Variants in PTCH1 observed in about 807,000 individuals in gnomAD.
The protein encoded by PTCH1 is patched 1.
A neutral mutation model predicts 144.6 loss-of-function variants in PTCH1; 14 were observed. The ratio of observed to expected loss-of-function variants is 0.10; its 90% confidence interval spans 0.06 to 0.15. The LOEUF is 0.15. Ranked by LOEUF, PTCH1 falls within the 10% of genes least tolerant of loss-of-function variation. The pLI, the probability that PTCH1 is intolerant of heterozygous loss-of-function variation, is 1.00. For synonymous variants in PTCH1, 833 were observed against 793.6 expected, an observed-to-expected ratio of 1.05 and a Z score of -0.83; for missense variants, 1,623 against 1,948.3, an observed-to-expected ratio of 0.83 and a Z score of 3.14.
At chr9:95,484,996 A>C (rs1232697998) in intron 3 of PTCH1, among the ~76,000 whole-genome samples, 1 of 152,174 alleles carries the variant, frequency 6.6e-6, no homozygotes, top group Non-Finnish European at 1.5e-5. Flanking sequence ...ACTTGAGGTC[A>C]GGAGTTCGAG....
rs144182921 is a variant in PTCH1, at chr9:95,506,477, T to C, written c.324A>G (p.Ile108Met). The C allele has an allele frequency of 1.6e-4, 261 of 1,613,260 alleles. 1 individual carries two copies. The highest frequency in any genetic ancestry group is 1.9e-4 in the Non-Finnish European group (222 of 1,179,708). ...CGKFLVVGLL[I>M]FGAFAVGLKA... ...TTAATCCCACCGCGAAGGCCCCAAA[T>C]ATGAGGAGGCCCACAACCAAGAACT... The change falls in exon 2 of 24, where the codon ATA becomes ATG. Residue 108 changes from isoleucine to methionine, a missense_variant. By Grantham distance (10) the Ile-to-Met change is conservative. Coordinates refer to ENST00000331920, the MANE Select transcript of PTCH1 (RefSeq NM_000264.5).
intron 2 of PTCH1, among the ~76,000 whole-genome samples, chr9:95,505,468 C>T (rs1212394437): frequency 6.6e-6 from 1 of 152,106 alleles, no homozygotes; most frequent in Non-Finnish European, 1.5e-5. Context: ...AAACCTTTGT[C>T]ACCAAAATAA....
chr9:95,470,873 T>C (rs371140664), intron 12 of PTCH1, among the ~76,000 whole-genome samples: 28 of 152,248 alleles, frequency 1.8e-4, no homozygotes, highest in African/African-American at 6.3e-4. Context: ...AGGGATCTCC[T>C]GATCAAGACT....
rs368528885 is a variant in PTCH1, at chr9:95,447,343, C to T, written c.3913G>A (p.Asp1305Asn). The T allele has an allele frequency of 5.6e-6, 9 of 1,613,468 alleles. No homozygotes were observed. The highest frequency in any genetic ancestry group is 3.3e-5 in the South Asian group (3 of 91,080). The change falls in exon 23 of 24, where the codon GAC becomes AAC. Residue 1305 changes from aspartate (D) to asparagine (N), a missense_variant. Coordinates refer to ENST00000331920, the MANE Select transcript of PTCH1 (RefSeq NM_000264.5). ...PGRQGQQPRR[D>N]PPREGLWPPP... ...GGCCACAAGCCTTCTCTGGGGGGGTCCCTGCGGGGCTGCTGGCCTTGCCGT... is the reference window on the plus strand; with the variant it reads ...GGCCACAAGCCTTCTCTGGGGGGGTTCCTGCGGGGCTGCTGGCCTTGCCGT...
At chr9:95,492,494 C>A (rs1367559418) in intron 2 of PTCH1, among the ~76,000 whole-genome samples, 1 of 152,156 alleles carries the variant, frequency 6.6e-6, no homozygotes, top group Non-Finnish European at 1.5e-5. Flanking sequence ...AACATTGTTT[C>A]AGGCACACAA....
At chr9:95,492,997 T>G (rs920814437) in intron 2 of PTCH1, among the ~76,000 whole-genome samples, 2 of 152,184 alleles carry the variant, frequency 1.3e-5, no homozygotes, top group Admixed American at 1.3e-4. Flanking sequence ...CTTAAGCCAA[T>G]TCTTTGAAAG....
chr9:95,499,443 A>T (rs1842997635), intron 2 of PTCH1, among the ~76,000 whole-genome samples: 1 of 149,590 alleles, frequency 6.7e-6, no homozygotes. Flanking sequence ...GCAGAGATCC[A>T]CTTGGAAGGA....
At chr9:95,483,977 A>G (rs890024439) in intron 3 of PTCH1, 11 of 152,216 alleles carry the variant, frequency 7.2e-5, no homozygotes, top group African/African-American at 2.4e-4. Flanking sequence ...AACTTGGACA[A>G]ATGCTCTAAT....
At chr9:95,447,486 T>C (rs1043542223) in intron 22 of PTCH1, 35 bp from the exon 23 acceptor site, 1 of 1,514,918 alleles carries the variant, frequency 6.6e-7, no homozygotes. Flanking sequence ...AAGGGTGGTA[T>C]CCCAGGCTGG....
In PTCH1 at chr9:95,468,859, C is replaced by A. The variant is rs2118034064; in HGVS notation, c.2142G>T (p.Gln714His). The change falls in exon 14 of 24, where the codon CAG becomes CAT. Residue 714 changes from glutamine (Q) to histidine (H), a missense_variant. Transcript: ENST00000331920. ...GGCAGTGGAGGCTGGAGTCGGAGAA[C>A]TGGGAGAGCAGGTCCCTTGTGGAGC... Reference protein sequence around the residue: ...STSSTRDLLSQFSDSSLHCLE... With the variant: ...STSSTRDLLSHFSDSSLHCLE... 1.2e-6 allele frequency: 2 copies of A among 1,614,120 alleles called. No homozygotes were observed. Among genetic ancestry groups the A allele is most frequent in the East Asian group, 4.5e-5 (2 of 44,874 alleles).
rs1228732568 is a variant in PTCH1 at position 95,467,247 on chromosome 9, G to A, written c.2429C>T (p.Ala810Val). Residue 810 changes from alanine to valine, a missense_variant, in exon 15 of 24, where the codon GCA becomes GTA. Transcript: ENST00000331920. ...TAAGTGCTGGATATTCGGGTAGTCT[G>A]CTTTCTGGGTGACTATATACATGTT... ...FYNMYIVTQK[A>V]DYPNIQHLLY... The A allele has an allele frequency of 3.1e-6, 5 of 1,614,048 alleles. No individual in the cohort carries two copies. In the Admixed American group the frequency reaches 5.0e-5, roughly 16 times the overall value.
rs183890322 is a variant in PTCH1, at chr9:95,449,004, C to G, written c.3804+65G>C. 6.2e-7 allele frequency: 1 copy of G among 1,605,294 alleles called. No individual in the cohort carries two copies. Among genetic ancestry groups the G allele is most frequent in the African/African-American group, 1.3e-5 (1 of 74,762 alleles). ...GCTGCTCAGCAGACAGGAGCCCCCG[C>G]TGGACCTCCAGGCCCACTACCACGG... On this transcript the variant is annotated intron_variant, in intron 22 of 23. Coordinates refer to ENST00000331920, the MANE Select transcript of PTCH1 (RefSeq NM_000264.5). The surrounding 1 kb of genome is among the most constrained non-coding windows in gnomAD (Gnocchi z 5.3).
Position 95,447,016 on chromosome 9 carries a change from C to A in PTCH1, c.4240G>T (p.Val1414Leu). 6.2e-7 allele frequency: 1 copy of A among 1,614,198 alleles called. No homozygotes were observed. Among genetic ancestry groups the A allele is most frequent in the East Asian group, 2.2e-5 (1 of 44,870 alleles). The change falls in exon 23 of 24, where the codon GTG (valine) becomes TTG (leucine). Residue 1414 changes from valine to leucine, a missense_variant. Val to Leu is a conservative substitution (Grantham distance 32). Transcript: ENST00000331920. ...TDHGLFEDPH[V>L]PFHVRCERRD... ...CTCTCACACCGGACGTGGAAAGGCA[C>A]GTGGGGGTCCTCAAACAGGCCGTGG...
intron 8 of PTCH1, 70 bp downstream of exon 8, chr9:95,478,930 T>C: frequency 6.2e-7 from 1 of 1,608,004 alleles, no homozygotes; most frequent in Non-Finnish European, 8.5e-7. Context: ...AAAGAAATGT[T>C]TTAAATAATG....
intron 2 of PTCH1, among the ~76,000 whole-genome samples, chr9:95,504,983 T>G (rs1261078765): frequency 6.6e-6 from 1 of 152,248 alleles, no homozygotes; most frequent in South Asian, 2.1e-4. Flanking sequence ...CCAGTGATAC[T>G]GAATCGCTGA....
chr9:95,453,498 A>G lies in PTCH1; in HGVS notation c.3429T>C (p.Ser1143=), dbSNP rs778900289. The change falls in exon 20 of 24, where the codon TCT becomes TCC. Residue 1143 remains serine (S), a synonymous_variant. Coordinates refer to ENST00000331920, the MANE Select transcript of PTCH1 (RefSeq NM_000264.5). ...CTTACCTGACAATGAAGTCGAACTC[A>G]GATCCCGCCAGCATCAGCACTCCCA... is the stretch of plus-strand genomic sequence containing the variant. The part of the protein sequence containing the change: ...TLLGVLMLAG[S]EFDFIVRYFF... 8 of 1,614,080 alleles carry G rather than the reference A, an allele frequency of 5.0e-6. No homozygotes were observed. The highest frequency in any genetic ancestry group is 6.8e-6 in the Non-Finnish European group (8 of 1,180,052).
At chr9:95,488,500 C>A (rs971685393) in intron 2 of PTCH1, among the ~76,000 whole-genome samples, 1 of 151,636 alleles carries the variant, frequency 6.6e-6, no homozygotes, top group Non-Finnish European at 1.5e-5. Flanking sequence ...TTATATTTAA[C>A]CAAATATGAA....
At chr9:95,461,799 C>G in intron 16 of PTCH1, 57 bp downstream of exon 16, 1 of 1,609,706 alleles carries the variant, frequency 6.2e-7, no homozygotes. Context: ...GCAGCCTCCA[C>G]CAGGGCAGCG....
chr9:95,449,839 A>T lies in PTCH1; in HGVS notation c.3549+2T>A. ...GTGGGACATCCCCGTGTCACTACTG[A>T]CCTCAGGATATGGTCCAAAGAAAGA... On this transcript the variant is annotated splice_donor_variant, in intron 21 of 23. Transcript: ENST00000331920. LOFTEE classifies it high-confidence loss of function. This position sits in a 1 kb window ranked among gnomAD's most constrained non-coding sequence, Gnocchi z 5.3. 6.2e-7 allele frequency: 1 copy of T among 1,610,548 alleles called. No individual in the cohort carries two copies. The highest frequency in any genetic ancestry group is 8.5e-7 in the Non-Finnish European group (1 of 1,176,756).
Sources: allele counts gnomAD v4.1 joint callset (sites outside exome capture counted in the v4.1 genomes callset), GRCh38; gene constraint gnomAD v4.1.1; non-coding constraint Gnocchi (gnomAD v3.1); transcripts MANE v1.5; gene names NCBI Gene and HGNC (gene_info 2026-07-23, HGNC 2026-07-21).